The following PDE2A variants were observed in gnomAD, a reference collection of about 807,000 sequenced individuals.
PDE2A encodes phosphodiesterase 2A.
PDE2A carries 53 observed loss-of-function variants against 133.6 expected under a neutral mutation model. The ratio of observed to expected loss-of-function variants is 0.40; its 90% confidence interval spans 0.32 to 0.50. PDE2A has a LOEUF of 0.50. PDE2A is among the 20% of genes least tolerant of loss of function. The probability of loss-of-function intolerance (pLI) is 0.73; values close to 1 mark genes in which losing one functional copy is unlikely to be tolerated. For synonymous variants in PDE2A, 491 were observed against 490.2 expected (o/e 1.00, Z -0.02); for missense variants, 796 against 1,232.4 (o/e 0.65, Z 5.30).
intron 1 of PDE2A, chr11:72,659,239 T>C (rs1266380552): frequency 6.7e-6 from 1 of 149,754 alleles, no homozygotes. Context: ...ATCCCTGCCC[T>C]CACAGAGTTT....
At chr11:72,616,830 T>C (rs1857500522) in intron 2 of PDE2A, among the ~76,000 whole-genome samples, 1 of 152,158 alleles carries the variant, frequency 6.6e-6, no homozygotes, top group African/African-American at 2.4e-5. Flanking sequence ...ATCACCTTCT[T>C]TCATGAGTGA....
chr11:72,645,856 A>T (rs1315196469), intron 1 of PDE2A, among the ~76,000 whole-genome samples: 2 of 152,254 alleles, frequency 1.3e-5, no homozygotes, highest in Non-Finnish European at 2.9e-5. Flanking sequence ...ATCTATTATT[A>T]GTCACACTTC....
intron 2 of PDE2A, chr11:72,631,006 C>A: frequency 7.9e-7 from 1 of 1,267,810 alleles, no homozygotes; most frequent in Non-Finnish European, 1.1e-6. Flanking sequence ...GGGAGGGCAC[C>A]ACTCAGACTG....
At position 72,579,004 on chromosome 11, in the gene PDE2A, A is replaced by G; in HGVS notation, c.2362T>C (p.Tyr788His). 1 of 1,610,818 alleles carries G rather than the reference A, an allele frequency of 6.2e-7. No homozygotes were observed. Among genetic ancestry groups the G allele is most frequent in the Non-Finnish European group, 8.5e-7 (1 of 1,177,030 alleles). The change falls in exon 28 of 31, where the codon TAC becomes CAC. Residue 788 changes from tyrosine (Y) to histidine (H), a missense_variant. By Grantham distance (83) the Tyr-to-His change is moderately conservative (BLOSUM62 2). This residue lies in a region of PDE2A where 19 missense variants were observed against 16.0 expected (regional missense o/e 1.18). Coordinates refer to ENST00000334456, the MANE Select transcript of PDE2A (RefSeq NM_002599.5). ...KDLQKMAEVG[Y>H]DRNNKQHHRL... ...TGGTGCTGCTTGTTGTTTCGGTCGTAGCCCACTGTTGAGGGGAGGATGGGG... is the reference window on the plus strand; with the variant it reads ...TGGTGCTGCTTGTTGTTTCGGTCGTGGCCCACTGTTGAGGGGAGGATGGGG...
rs143118302 is a variant in PDE2A, at chr11:72,580,315, C to T, written c.2181+262G>A. On this transcript the variant is annotated intron_variant, in intron 25 of 30. Coordinates refer to ENST00000334456, the MANE Select transcript of PDE2A (RefSeq NM_002599.5). The stretch of plus-strand genomic sequence containing the variant: ...TAAGTGATGGGAGTGGAGCCCATCC[C>T]AAGTTTGGCAGGAGGGGGCTGAATG... 4.3e-3 allele frequency among the ~76,000 whole-genome samples: 649 copies of T among 152,204 alleles called. 4 individuals carry two copies. The highest frequency in any genetic ancestry group is 6.6e-3 in the Non-Finnish European group (446 of 67,992).
intron 2 of PDE2A, among the ~76,000 whole-genome samples, chr11:72,616,134 G>A (rs1857460739): frequency 6.6e-6 from 1 of 152,342 alleles, no homozygotes; most frequent in East Asian, 1.9e-4. Context: ...GTCCCGCTGG[G>A]TCAGTGTCAG....
At chr11:72,661,567 T>G (rs1591140833) in intron 1 of PDE2A, among the ~76,000 whole-genome samples, 1 of 151,554 alleles carries the variant, frequency 6.6e-6, no homozygotes, top group African/African-American at 2.4e-5. Context: ...GGCTGGGGAG[T>G]ATGGAAAGGC....
At chr11:72,615,211 G>T (rs534959683) in intron 2 of PDE2A, 67 of 380,674 alleles carry the variant, frequency 1.8e-4, no homozygotes, top group South Asian at 1.2e-3. Flanking sequence ...CCCTTCCAGC[G>T]CCCACAACCA....
Position 72,577,016 on chromosome 11 carries a change from CA to C in PDE2A, c.*367del, listed in dbSNP as rs1855500910. The C allele has an allele frequency of 4.8e-6, 1 of 208,980 alleles. No homozygotes were observed. Among genetic ancestry groups the C allele is most frequent in the African/African-American group, 2.3e-5 (1 of 44,034 alleles). 12.9% of individuals were successfully genotyped at this position (208,980 alleles called of 1,614,324 possible). On this transcript the variant is annotated 3_prime_UTR_variant, in exon 31 of 31. Coordinates refer to ENST00000334456, the MANE Select transcript of PDE2A (RefSeq NM_002599.5). ...GGAGACCCCAAAGGGTGGGAGTCCT[CA>C]AAGGGAAAGGAGCAAAGATCTGGTG...
chr11:72,635,243 G>A (rs911716403), intron 2 of PDE2A, among the ~76,000 whole-genome samples: 1 of 152,162 alleles, frequency 6.6e-6, no homozygotes, highest in African/African-American at 2.4e-5. Context: ...GGTTGAAAAG[G>A]TCTCTATTCT....
intron 1 of PDE2A, among the ~76,000 whole-genome samples, chr11:72,650,926 C>CACAT (rs1854723030): frequency 7.8e-6 from 1 of 128,854 alleles, no homozygotes; most frequent in Admixed American, 7.5e-5. Context: ...CACACACACA[C>CACAT]ATACACAAAG....
intron 1 of PDE2A, among the ~76,000 whole-genome samples, chr11:72,673,288 A>G (rs1733961909): frequency 6.6e-6 from 1 of 152,086 alleles, no homozygotes; most frequent in Non-Finnish European, 1.5e-5. Context: ...ACTCTCACTC[A>G]CACAGGGATG....
intron 15 of PDE2A, 35 bp from the exon 16 acceptor site, chr11:72,585,469 A>G (rs1396228940): frequency 6.2e-7 from 1 of 1,612,042 alleles, no homozygotes; most frequent in South Asian, 1.1e-5. Context: ...GGGTGAGACC[A>G]GGCTGCCAAG....
chr11:72,626,099 C>G (rs534780801), intron 2 of PDE2A, among the ~76,000 whole-genome samples: 1 of 152,272 alleles, frequency 6.6e-6, no homozygotes, highest in Non-Finnish European at 1.5e-5. Context: ...CCTCCCTGGG[C>G]CTAGGCCTTG....
intron 2 of PDE2A, among the ~76,000 whole-genome samples, chr11:72,639,663 A>G (rs1342278575): frequency 1.3e-5 from 2 of 152,182 alleles, no homozygotes; most frequent in African/African-American, 2.4e-5. Context: ...AGTCAAACTA[A>G]GAGAACAAAG....
At chr11:72,635,853 T>C in intron 2 of PDE2A, 2 of 399,980 alleles carry the variant, frequency 5.0e-6, no homozygotes, top group Non-Finnish European at 7.2e-6. Flanking sequence ...CCAGTATTGA[T>C]GTTGGGGCGA....
Position 72,585,555 on chromosome 11 carries a change from C to G in PDE2A, c.1221G>C (p.Leu407=). The G allele has an allele frequency of 6.2e-7, 1 of 1,614,132 alleles. No homozygotes were observed. Among genetic ancestry groups the G allele is most frequent in the Non-Finnish European group, 8.5e-7 (1 of 1,179,964 alleles). The part of the protein sequence containing the change: ...LQVAKNLFTH[L]DDVSVLLQEI... The stretch of plus-strand genomic sequence containing the variant: ...AGGCAGAGAGAACAGTGCACTCACC[C>G]AGGTGGGTGAAGAGGTTCTTTGCCA... The change falls in exon 15 of 31, where the codon CTG becomes CTC. Residue 407 remains leucine (L), a splice_region_variant and synonymous_variant. Transcript: ENST00000334456.
At chr11:72,593,180 T>TACACACACACAC (rs111253499) in intron 6 of PDE2A, among the ~76,000 whole-genome samples, 18 of 149,238 alleles carry the variant, frequency 1.2e-4, no homozygotes, top group Middle Eastern at 3.4e-3. Context: ...ATGGAGGTGG[T>TACACACACACAC]ACACACACAC....
chr11:72,606,878 T>C (rs911332957), intron 3 of PDE2A, among the ~76,000 whole-genome samples: 1 of 152,214 alleles, frequency 6.6e-6, no homozygotes, highest in African/African-American at 2.4e-5. Flanking sequence ...CTCAGCCCTC[T>C]GGGTTAAAAT....
Sources: gnomAD v4.1 joint callset for allele counts (sites outside exome capture counted in the v4.1 genomes callset) on GRCh38, gnomAD v4.1.1 for gene constraint, gnomAD v4.1.1 regional missense constraint, MANE v1.5 for transcripts, NCBI Gene and HGNC (gene_info 2026-07-23, HGNC 2026-07-21) for gene names.